The following ZMYM2 variants were observed in gnomAD, a reference collection of about 807,000 sequenced individuals.
ZMYM2 encodes the protein zinc finger MYM-type containing 2.
Under a neutral mutation model 162.8 loss-of-function variants are expected in ZMYM2, and 56 were observed. The ratio of observed to expected loss-of-function variants is 0.34; its 90% CI spans 0.28 to 0.43. ZMYM2 has a LOEUF of 0.43. ZMYM2 is among the 20% of genes least tolerant of loss of function. The pLI is 1.00. For missense variants in ZMYM2, 1,275 were observed against 1,621.8 expected, an observed-to-expected ratio of 0.79 and a Z score of 3.67; for synonymous variants, 510 against 541.6, an observed-to-expected ratio of 0.94 and a Z score of 0.81.
chr13:20,056,165 T>A (rs930369265), intron 14 of ZMYM2, among the ~76,000 whole-genome samples: 1 of 152,152 alleles, frequency 6.6e-6, no homozygotes, highest in Admixed American at 6.5e-5. Context: ...AAATGCAAAC[T>A]CTTGATACAC....
chr13:19,895,131 CTG>C, the ZMYM2 span, among the ~76,000 whole-genome samples: 3 of 148,158 alleles, frequency 2.0e-5, no homozygotes, highest in African/African-American at 7.5e-5. Flanking sequence ...AGGGGACTGT[CTG>C]TATATATAAA....
intron 21 of ZMYM2, chr13:20,067,952 G>A (rs1253984856): frequency 6.2e-6 from 1 of 160,932 alleles, no homozygotes; most frequent in Non-Finnish European, 1.4e-5. Flanking sequence ...GATGACAGGG[G>A]AGATCTCTTC....
At chr13:19,876,827 T>C in the ZMYM2 span, among the ~76,000 whole-genome samples, 1 of 152,186 alleles carries the variant, frequency 6.6e-6, no homozygotes, top group African/African-American at 2.4e-5. Flanking sequence ...ACAACCAGCA[T>C]TCTACTTTCT....
chr13:19,954,889 C>T (rs879940144), upstream of ZMYM2, among the ~76,000 whole-genome samples: 52 of 151,898 alleles, frequency 3.4e-4, no homozygotes, highest in African/African-American at 1.2e-3. Context: ...TAGCTCAATA[C>T]AACCTCTGCC....
At chr13:20,019,080 CAA>C (rs373936842) in intron 6 of ZMYM2, among the ~76,000 whole-genome samples, 2 of 127,328 alleles carry the variant, frequency 1.6e-5, no homozygotes, top group African/African-American at 5.9e-5. Context: ...AACTCCATCT[CAA>C]AAAAAAAAAA....
At chr13:20,063,078 T>G (rs1324165459) in intron 18 of ZMYM2, 107 bp downstream of exon 18, 2 of 1,297,246 alleles carry the variant, frequency 1.5e-6, no homozygotes, top group African/African-American at 3.1e-5. Flanking sequence ...TGTTCATATT[T>G]TTTATTCTTG....
chr13:20,019,755 G>A lies in ZMYM2; in HGVS notation c.1584+137G>A, dbSNP rs547306238. On this transcript the variant is annotated intron_variant, in intron 7 of 24. Coordinates refer to ENST00000610343, the MANE Select transcript of ZMYM2 (RefSeq NM_197968.4). ...CCAAACTTAAATTGTATCAAATGAT[G>A]AATGTTTTATCTCTGAGACATAGAT... The A allele has an allele frequency of 4.0e-6, 3 of 748,376 alleles. No individual in the cohort carries two copies. In the South Asian group the frequency reaches 5.5e-5, roughly 14 times the overall value. 46.4% of individuals were successfully genotyped at this position (748,376 alleles called of 1,614,324 possible).
the ZMYM2 span, among the ~76,000 whole-genome samples, chr13:19,878,174 G>A: frequency 6.6e-6 from 1 of 151,124 alleles, no homozygotes. Flanking sequence ...TGCGTCAGCT[G>A]CCCGAGTAGC....
chr13:19,939,398 A>G, the ZMYM2 span, among the ~76,000 whole-genome samples: 1 of 152,078 alleles, frequency 6.6e-6, no homozygotes, highest in Non-Finnish European at 1.5e-5. Context: ...ATTATGTTAT[A>G]TATATGTTTC....
intron 24 of ZMYM2, 40 bp downstream of exon 24, chr13:20,083,816 GA>G (rs1958063026): frequency 6.4e-7 from 1 of 1,573,762 alleles, no homozygotes; most frequent in South Asian, 1.2e-5. Flanking sequence ...AATGTTGGTA[GA>G]AGTTGGCTGG....
At chr13:20,048,137 G>A (rs549772022) in intron 12 of ZMYM2, among the ~76,000 whole-genome samples, 47 of 151,962 alleles carry the variant, frequency 3.1e-4, no homozygotes, top group African/African-American at 1.1e-3. Flanking sequence ...TTTTAACACA[G>A]GCTTTGATTT....
At chr13:19,891,393 T>C in the ZMYM2 span, among the ~76,000 whole-genome samples, 1 of 151,556 alleles carries the variant, frequency 6.6e-6, no homozygotes, top group Non-Finnish European at 1.5e-5. Flanking sequence ...CGAATTTCTA[T>C]TGTTAAAGCC....
chr13:20,063,824 A>ATGT (rs1361630587), intron 18 of ZMYM2, among the ~76,000 whole-genome samples: 3 of 146,520 alleles, frequency 2.0e-5, no homozygotes, highest in African/African-American at 4.9e-5. Flanking sequence ...ATAATACATA[A>ATGT]ATATAATTTT....
chr13:19,914,912 A>G, the ZMYM2 span, among the ~76,000 whole-genome samples: 1 of 152,142 alleles, frequency 6.6e-6, no homozygotes, highest in Non-Finnish European at 1.5e-5. Flanking sequence ...AAGAGGCTGT[A>G]TATACTCTGA....
intron 4 of ZMYM2, 28 bp downstream of exon 4, chr13:20,003,163 A>T: frequency 6.3e-7 from 1 of 1,579,180 alleles, no homozygotes; most frequent in African/African-American, 1.4e-5. Context: ...ACATAATTAC[A>T]TATAGTTGAA....
chr13:19,959,321 C>T (rs1404231231), intron 1 of ZMYM2, among the ~76,000 whole-genome samples: 3 of 152,078 alleles, frequency 2.0e-5, no homozygotes, highest in Non-Finnish European at 4.4e-5. Context: ...CCCTGTCCAC[C>T]GGAGCCGAGG....
chr13:19,903,563 G>A, the ZMYM2 span, among the ~76,000 whole-genome samples: 6 of 149,444 alleles, frequency 4.0e-5, no homozygotes, highest in African/African-American at 1.5e-4. Context: ...GTATATTTTA[G>A]CCCAATTAAA....
intron 12 of ZMYM2, among the ~76,000 whole-genome samples, chr13:20,046,560 A>ATAT (rs1198838396): frequency 6.0e-4 from 8 of 13,398 alleles, no homozygotes; most frequent in Non-Finnish European, 1.6e-3. Context: ...TCTCTAAAAA[A>ATAT]AAAAATATAT....
At chr13:19,894,848 C>T in the ZMYM2 span, among the ~76,000 whole-genome samples, 3 of 151,440 alleles carry the variant, frequency 2.0e-5, no homozygotes, top group African/African-American at 4.9e-5. Context: ...CCTAGCACTT[C>T]GGGAGGCTGA....
Sources: allele counts gnomAD v4.1 joint callset (sites outside exome capture counted in the v4.1 genomes callset), GRCh38; gene constraint gnomAD v4.1.1; transcripts MANE v1.5; gene names NCBI Gene and HGNC (gene_info 2026-07-23, HGNC 2026-07-21).